SPATA6: variants seen among roughly 807,000 people sequenced by gnomAD.
The protein encoded by SPATA6 is spermatogenesis-associated protein 6.
A neutral mutation model predicts 65.3 loss-of-function variants in SPATA6; 56 were observed. That is an observed-to-expected ratio of 0.86 (90% CI 0.69 to 1.07). The LOEUF (loss-of-function observed/expected upper bound fraction) is 1.07. Ranked by LOEUF, SPATA6 falls within the 50% of genes least tolerant of loss-of-function variation. The probability of loss-of-function intolerance (pLI) is 0.00; values close to 1 mark genes in which losing one functional copy is unlikely to be tolerated. For missense variants in SPATA6, 590 were observed against 594.8 expected (o/e 0.99, Z 0.08); for synonymous variants, 199 against 213.2 (o/e 0.93, Z 0.58).
At chr1:48,382,451 T>C (rs1648774355) in intron 9 of SPATA6, among the ~76,000 whole-genome samples, 5 of 125,612 alleles carry the variant, frequency 4.0e-5, no homozygotes, top group Admixed American at 7.6e-5. Context: ...GGCGGCTGGC[T>C]GGGCGGGGGG....
At chr1:48,340,603 A>G (rs1050376747) in intron 11 of SPATA6, among the ~76,000 whole-genome samples, 2 of 151,836 alleles carry the variant, frequency 1.3e-5, no homozygotes, top group African/African-American at 4.8e-5. Flanking sequence ...AAATAAAAAA[A>G]GAACAAAACT....
the SPATA6 span, among the ~76,000 whole-genome samples, chr1:48,279,761 T>C: frequency 0.023 from 3,431 of 152,172 alleles, 130 homozygotes; most frequent in African/African-American, 0.077. Flanking sequence ...CTGTCAACAT[T>C]AGACAGATCA....
chr1:48,431,871 G>T (rs1654436532), intron 3 of SPATA6, among the ~76,000 whole-genome samples: 1 of 152,192 alleles, frequency 6.6e-6, no homozygotes, highest in Admixed American at 6.5e-5. Flanking sequence ...AGCACTTTGG[G>T]AGGCCAAGGT....
the SPATA6 span, among the ~76,000 whole-genome samples, chr1:48,269,846 C>T: frequency 2.0e-5 from 3 of 150,470 alleles, no homozygotes; most frequent in Non-Finnish European, 4.4e-5. Flanking sequence ...TAAATAAATC[C>T]TTCTCCAACC....
At chr1:48,311,751 G>C (rs1487642339) in intron 11 of SPATA6, among the ~76,000 whole-genome samples, 3 of 152,180 alleles carry the variant, frequency 2.0e-5, no homozygotes, top group Non-Finnish European at 2.9e-5. Context: ...CACCGAGCGT[G>C]AGCCGAAGCA....
At chr1:48,438,397 G>A (rs915208216) in intron 3 of SPATA6, among the ~76,000 whole-genome samples, 3 of 152,106 alleles carry the variant, frequency 2.0e-5, no homozygotes, top group South Asian at 2.1e-4. Context: ...AGCGACTAGC[G>A]CAGCCGCCGG....
intron 1 of SPATA6, among the ~76,000 whole-genome samples, chr1:48,460,633 G>C (rs1255760933): frequency 6.6e-6 from 1 of 151,678 alleles, no homozygotes; most frequent in African/African-American, 2.4e-5. Flanking sequence ...AAAGGAAGAA[G>C]TAAAACAATG....
At chr1:48,336,864 T>C (rs1199035662) in intron 11 of SPATA6, among the ~76,000 whole-genome samples, 1 of 151,814 alleles carries the variant, frequency 6.6e-6, no homozygotes, top group Non-Finnish European at 1.5e-5. Context: ...ATAATATAAA[T>C]GAAACAGGAA....
Position 48,465,306 on chromosome 1 carries a change from G to A in SPATA6, c.51+6652C>T, listed in dbSNP as rs115190923. On this transcript the variant is annotated intron_variant, in intron 1 of 12. Coordinates refer to ENST00000371847, the MANE Select transcript of SPATA6 (RefSeq NM_019073.4). ...CCCTAAAGCTTTTGAAAGGAGCACC[G>A]TTCTGCTGACACTTTTATTTTGTAC... Among the ~76,000 whole-genome samples, 420 of 152,202 alleles carry A rather than the reference G, an allele frequency of 2.8e-3. 1 individual carries two copies. Among genetic ancestry groups the A allele is most frequent in the African/African-American group, 8.5e-3 (355 of 41,522 alleles).
chr1:48,454,719 G>A (rs1207507246), intron 1 of SPATA6, among the ~76,000 whole-genome samples: 2 of 152,106 alleles, frequency 1.3e-5, no homozygotes, highest in East Asian at 3.8e-4. Flanking sequence ...AGATTATCTA[G>A]TCTAGCTTTG....
intron 1 of SPATA6, among the ~76,000 whole-genome samples, chr1:48,453,898 AAAGT>A (rs894714391): frequency 6.6e-6 from 1 of 152,136 alleles, no homozygotes; most frequent in African/African-American, 2.4e-5. Context: ...AGGAAATTAA[AAAGT>A]AAGAAACACA....
chr1:48,313,060 G>A (rs886986777), intron 11 of SPATA6, among the ~76,000 whole-genome samples: 18 of 152,282 alleles, frequency 1.2e-4, no homozygotes, highest in African/African-American at 4.3e-4. Flanking sequence ...GACCAAATCT[G>A]TGTCTGATTG....
intron 9 of SPATA6, among the ~76,000 whole-genome samples, chr1:48,361,126 T>G (rs187020223): frequency 2.0e-4 from 31 of 152,240 alleles, no homozygotes; most frequent in Admixed American, 1.3e-3. Flanking sequence ...CTAAATGGTA[T>G]TTAGAGGTAT....
intron 3 of SPATA6, among the ~76,000 whole-genome samples, chr1:48,427,908 T>C (rs1653989292): frequency 6.6e-6 from 1 of 152,148 alleles, no homozygotes; most frequent in Admixed American, 6.5e-5. Context: ...AAATCTCCAG[T>C]GTTTATTGTT....
At chr1:48,317,304 T>C (rs963459179) in intron 11 of SPATA6, among the ~76,000 whole-genome samples, 1 of 152,146 alleles carries the variant, frequency 6.6e-6, no homozygotes, top group Non-Finnish European at 1.5e-5. Flanking sequence ...TAGACTGGAT[T>C]AAGAAAATGT....
At chr1:48,359,800 T>C (rs767183257) in intron 9 of SPATA6, 30 bp from the exon 10 acceptor site, 2 of 1,515,724 alleles carry the variant, frequency 1.3e-6, no homozygotes, top group Non-Finnish European at 1.8e-6. Context: ...CATATAGATA[T>C]ACAAATACAG....
At position 48,472,185 on chromosome 1, in the gene SPATA6, G is replaced by C. The variant is rs1430048679; in HGVS notation, c.-177C>G. 2 of 544,096 alleles carry C rather than the reference G, an allele frequency of 3.7e-6. No individual in the cohort carries two copies. Among genetic ancestry groups the C allele is most frequent in the East Asian group, 3.5e-5 (1 of 28,822 alleles). The allele number at this position is 544,096 out of a possible 1,614,324, so 33.7% of individuals were successfully genotyped here. ...TCCGCCGGAGAAGCAGCTGAGCGCG[G>C]GGCGCAGACTCGTTGTCATGGCAGC... On this transcript the variant is annotated 5_prime_UTR_variant, in exon 1 of 13. Coordinates refer to ENST00000371847, the MANE Select transcript of SPATA6 (RefSeq NM_019073.4).
chr1:48,400,835 C>T (rs1333820524), intron 6 of SPATA6: 2 of 1,276,090 alleles, frequency 1.6e-6, no homozygotes, highest in Non-Finnish European at 2.0e-6. Context: ...TCTGGACCTT[C>T]TCCACCTTGT....
intron 11 of SPATA6, among the ~76,000 whole-genome samples, chr1:48,350,111 G>C (rs1209422527): frequency 1.3e-5 from 2 of 151,692 alleles, no homozygotes; most frequent in African/African-American, 4.8e-5. Flanking sequence ...ATCCTTGTCA[G>C]CATAATTTTG....
Sources: gnomAD v4.1 joint callset for allele counts (sites outside exome capture counted in the v4.1 genomes callset) on GRCh38, gnomAD v4.1.1 for gene constraint, MANE v1.5 for transcripts, NCBI Gene and HGNC (gene_info 2026-07-23, HGNC 2026-07-21) for gene names.